Variants in LHFPL2 observed in about 807,000 individuals in gnomAD.
LHFPL2 encodes the protein LHFPL tetraspan subfamily member 2.
In LHFPL2, 7 loss-of-function variants were observed where a neutral mutation model predicts 17.5. The ratio of observed to expected loss-of-function variants is 0.40; its 90% CI spans 0.23 to 0.75. LHFPL2 has a LOEUF of 0.75. Among genes scored for constraint, LHFPL2 ranks in the 30% least tolerant of loss-of-function variants. The pLI, the probability that LHFPL2 is intolerant of heterozygous loss-of-function variation, is 0.37. For missense variants in LHFPL2, 241 were observed against 294.8 expected (o/e 0.82, Z 1.34); for synonymous variants, 134 against 116.2 (o/e 1.15, Z -0.99).
intron 3 of LHFPL2, among the ~76,000 whole-genome samples, chr5:78,528,539 G>A (rs1394507243): frequency 1.3e-5 from 2 of 152,146 alleles, no homozygotes; most frequent in Admixed American, 6.5e-5. Context: ...CAGGTCCCTG[G>A]TGCCAAAAAG....
intron 2 of LHFPL2, among the ~76,000 whole-genome samples, chr5:78,575,528 A>G (rs1235799264): frequency 1.3e-5 from 2 of 152,152 alleles, no homozygotes; most frequent in African/African-American, 4.8e-5. Context: ...CAGCCTGGTG[A>G]CAGAGCGAGA....
At chr5:78,620,609 T>C (rs1285498252) in intron 2 of LHFPL2, among the ~76,000 whole-genome samples, 1 of 152,172 alleles carries the variant, frequency 6.6e-6, no homozygotes, top group African/African-American at 2.4e-5. Context: ...CTAGAGACAC[T>C]TTTCATGGTC....
chr5:78,528,807 G>A (rs1755696502), intron 3 of LHFPL2, among the ~76,000 whole-genome samples: 1 of 152,168 alleles, frequency 6.6e-6, no homozygotes, highest in African/African-American at 2.4e-5. Flanking sequence ...AATAAATATA[G>A]AGCATTCCCT....
In LHFPL2 at chr5:78,574,462, A is replaced by G. The variant is rs182325177; in HGVS notation, c.-244-9591T>C. 2.6e-3 allele frequency among the ~76,000 whole-genome samples: 400 copies of G among 152,374 alleles called. 2 individuals are homozygous for G. Among genetic ancestry groups the G allele is most frequent in the African/African-American group, 8.1e-3 (335 of 41,600 alleles). On this transcript the variant is annotated intron_variant, in intron 2 of 4. Coordinates refer to ENST00000380345, the MANE Select transcript of LHFPL2 (RefSeq NM_005779.3). ...GGCCCAGCTCAGCTAACTGGCCCACATACCAACTGAACCCTGACCCTGGCC... is the reference window on the plus strand; with the variant it reads ...GGCCCAGCTCAGCTAACTGGCCCACGTACCAACTGAACCCTGACCCTGGCC...
At chr5:78,590,818 T>G (rs1743600661) in intron 2 of LHFPL2, among the ~76,000 whole-genome samples, 1 of 152,198 alleles carries the variant, frequency 6.6e-6, no homozygotes, top group Admixed American at 6.5e-5. Flanking sequence ...CTAGAAGATG[T>G]TCTCTAAATG....
At chr5:78,593,974 G>A (rs1743735458) in intron 2 of LHFPL2, among the ~76,000 whole-genome samples, 1 of 152,140 alleles carries the variant, frequency 6.6e-6, no homozygotes. Context: ...GCAAACTCTT[G>A]CATACTGCTT....
At chr5:78,492,566 C>G (rs1397209325) in intron 4 of LHFPL2, among the ~76,000 whole-genome samples, 1 of 152,246 alleles carries the variant, frequency 6.6e-6, no homozygotes, top group African/African-American at 2.4e-5. Context: ...ATTAATTGCC[C>G]TGAGGCGCTC....
chr5:78,587,303 C>G (rs1369750114), intron 2 of LHFPL2, among the ~76,000 whole-genome samples: 2 of 152,182 alleles, frequency 1.3e-5, no homozygotes, highest in Non-Finnish European at 2.9e-5. Context: ...AGTCTTCTTA[C>G]TAAATAGGAC....
At chr5:78,511,645 G>A (rs939001267) in intron 3 of LHFPL2, among the ~76,000 whole-genome samples, 1 of 152,186 alleles carries the variant, frequency 6.6e-6, no homozygotes, top group Admixed American at 6.5e-5. Context: ...GAGAAGCGGA[G>A]AAATAAGGAA....
At chr5:78,492,314 C>G (rs894979475) in intron 4 of LHFPL2, among the ~76,000 whole-genome samples, 6 of 152,230 alleles carry the variant, frequency 3.9e-5, no homozygotes. Context: ...GCACATTGCA[C>G]TTGTATTATA....
intron 2 of LHFPL2, among the ~76,000 whole-genome samples, chr5:78,588,001 G>A (rs1743487734): frequency 6.6e-6 from 1 of 152,222 alleles, no homozygotes; most frequent in Non-Finnish European, 1.5e-5. Flanking sequence ...CAGGAGACAT[G>A]AGGATGTACC....
intron 2 of LHFPL2, among the ~76,000 whole-genome samples, chr5:78,582,869 C>T (rs182577989): frequency 3.3e-5 from 5 of 152,060 alleles, no homozygotes; most frequent in African/African-American, 7.2e-5. Flanking sequence ...TTGATCTGTC[C>T]AATGTTGACA....
intron 3 of LHFPL2, among the ~76,000 whole-genome samples, chr5:78,527,366 T>C (rs943572792): frequency 6.9e-6 from 1 of 145,012 alleles, no homozygotes; most frequent in Non-Finnish European, 1.5e-5. Context: ...ATGAGGAGTT[T>C]TTTTTTTTTT....
chr5:78,505,243 C>T (rs1247682445), intron 4 of LHFPL2, among the ~76,000 whole-genome samples: 1 of 152,236 alleles, frequency 6.6e-6, no homozygotes, highest in Non-Finnish European at 1.5e-5. Context: ...AAAGCCAACC[C>T]TGCTGGCTGA....
At chr5:78,551,553 T>C (rs1408507997) in intron 3 of LHFPL2, among the ~76,000 whole-genome samples, 2 of 152,116 alleles carry the variant, frequency 1.3e-5, no homozygotes, top group Non-Finnish European at 2.9e-5. Flanking sequence ...AAGGTAGCTA[T>C]TCAATCAGAA....
In LHFPL2 at chr5:78,648,222, G is replaced by A. The variant is rs1351337046; in HGVS notation, c.-350+277C>T. Among the ~76,000 whole-genome samples the A allele has an allele frequency of 2.0e-5, 3 of 152,122 alleles. No homozygotes were observed. Among genetic ancestry groups the A allele is most frequent in the Non-Finnish European group, 2.9e-5 (2 of 68,004 alleles). On this transcript the variant is annotated intron_variant, in intron 1 of 4. Coordinates refer to ENST00000380345, the MANE Select transcript of LHFPL2 (RefSeq NM_005779.3). This position sits in a 1 kb window ranked among gnomAD's most constrained non-coding sequence, Gnocchi z 5.4. ...GCTTCCCGAGGAGACGCTGTTCCCGGCACAACTTTTTTCCACTTCTGCGGC... is the reference window on the plus strand; with the variant it reads ...GCTTCCCGAGGAGACGCTGTTCCCGACACAACTTTTTTCCACTTCTGCGGC...
At chr5:78,584,823 T>C (rs948026827) in intron 2 of LHFPL2, among the ~76,000 whole-genome samples, 2 of 152,118 alleles carry the variant, frequency 1.3e-5, no homozygotes, top group African/African-American at 4.8e-5. Context: ...CTGTTGGAGC[T>C]TCCTGGCTGC....
chr5:78,520,650 C>T (rs753413326), intron 3 of LHFPL2, among the ~76,000 whole-genome samples: 2 of 149,944 alleles, frequency 1.3e-5, no homozygotes, highest in Non-Finnish European at 3.0e-5. Flanking sequence ...GGCCAGGGCA[C>T]ACCCGTGGGC....
intron 4 of LHFPL2, among the ~76,000 whole-genome samples, chr5:78,494,716 A>G (rs529674358): frequency 5.3e-5 from 8 of 152,234 alleles, no homozygotes; most frequent in African/African-American, 1.7e-4. Context: ...CACCTGCCAC[A>G]CCCCACTGCC....
Sources: allele counts gnomAD v4.1 joint callset (sites outside exome capture counted in the v4.1 genomes callset), GRCh38; gene constraint gnomAD v4.1.1; non-coding constraint Gnocchi (gnomAD v3.1); transcripts MANE v1.5; gene names NCBI Gene and HGNC (gene_info 2026-07-23, HGNC 2026-07-21).